Variants in ODF2 observed in about 807,000 individuals in gnomAD.
ODF2 encodes outer dense fiber of sperm tails 2.
Under a neutral mutation model 110.2 loss-of-function variants are expected in ODF2, and 47 were observed. The observed-to-expected ratio is 0.43, with a 90% CI of 0.34 to 0.54. The LOEUF (loss-of-function observed/expected upper bound fraction) is 0.54. ODF2 is among the 20% of genes least tolerant of loss of function. The probability of loss-of-function intolerance (pLI) is 0.03; values close to 1 mark genes in which losing one functional copy is unlikely to be tolerated. For synonymous variants in ODF2, 352 were observed against 397.7 expected, an observed-to-expected ratio of 0.89 and a Z score of 1.37; for missense variants, 812 against 1,054.5, an observed-to-expected ratio of 0.77 and a Z score of 3.19.
intron 18 of ODF2, chr9:128,497,447 ATATATATATATATATAT>A (rs1404742718): frequency 2.6e-4 from 10 of 37,868 alleles, no homozygotes; most frequent in Admixed American, 8.2e-4. Flanking sequence ...AAAAAAAAAA[ATATATATATATATATAT>A]ATATATATAT....
At position 128,494,243 on chromosome 9, in the gene ODF2, C is replaced by T. The variant is rs180794028; in HGVS notation, c.1753-267C>T. Among the ~76,000 whole-genome samples the T allele has an allele frequency of 2.8e-4, 43 of 152,320 alleles. No individual in the cohort carries two copies. The highest frequency in any genetic ancestry group is 6.5e-4 in the Admixed American group (10 of 15,298). On this transcript the variant is annotated intron_variant, in intron 16 of 20. Transcript: ENST00000604420. This position sits in a 1 kb window ranked among gnomAD's most constrained non-coding sequence, Gnocchi z 4.6. The stretch of plus-strand genomic sequence containing the variant: ...TGTCTGAATTAAATGAGCAAGTGTG[C>T]AGAGAGCCCCTGGTACAATGCCTGG...
intron 2 of ODF2, among the ~76,000 whole-genome samples, chr9:128,459,105 A>G (rs1456784856): frequency 1.3e-5 from 2 of 152,140 alleles, no homozygotes; most frequent in Middle Eastern, 3.2e-3. Context: ...TTGGCCTCCA[A>G]AAGTGCTGGG....
intron 5 of ODF2, 83 bp downstream of exon 5, chr9:128,469,436 G>A: frequency 6.9e-7 from 1 of 1,454,880 alleles, no homozygotes. Flanking sequence ...TGGTCCCTCA[G>A]CCTGCGTCTG....
exon 18 of ODF2, chr9:128,496,054 G>A: frequency 6.2e-7 from 1 of 1,613,840 alleles, no homozygotes; most frequent in Non-Finnish European, 8.5e-7. Flanking sequence ...GAACACCAGG[G>A]GGACAAGCTG....
chr9:128,456,314 T>C (rs1419746607), intron 1 of ODF2, 59 bp downstream of exon 1: 6 of 1,486,026 alleles, frequency 4.0e-6, no homozygotes, highest in Non-Finnish European at 5.3e-6. Context: ...GGCGAGACCG[T>C]CGCCTTCGCA....
At chr9:128,469,314 T>A in exon 5 of ODF2, 1 of 1,614,136 alleles carries the variant, frequency 6.2e-7, no homozygotes, top group Non-Finnish European at 8.5e-7. Flanking sequence ...ATAAGAAGAT[T>A]GATAGTCTAA....
chr9:128,491,762 C>T (rs903293733), intron 14 of ODF2, among the ~76,000 whole-genome samples: 1 of 152,040 alleles, frequency 6.6e-6, no homozygotes, highest in African/African-American at 2.4e-5. Flanking sequence ...AGTATAGTCT[C>T]ATTCTTTTTG....
chr9:128,476,539 C>T (rs1295640539), intron 8 of ODF2, among the ~76,000 whole-genome samples: 4 of 152,024 alleles, frequency 2.6e-5, no homozygotes, highest in Admixed American at 6.6e-5. Flanking sequence ...CCACCTGCCT[C>T]GGCCTCCCAA....
intron 14 of ODF2, among the ~76,000 whole-genome samples, 192 bp from the exon 15 acceptor site, chr9:128,492,233 AT>A (rs564434499): frequency 2.2e-3 from 337 of 151,498 alleles, no homozygotes; most frequent in South Asian, 3.8e-3. Flanking sequence ...GAAGTCATTT[AT>A]TTGCATCTCT....
chr9:128,456,689 C>G (rs1460587928), intron 1 of ODF2: 2 of 1,397,760 alleles, frequency 1.4e-6, no homozygotes, highest in Non-Finnish European at 1.9e-6. Flanking sequence ...ATGGCAGTCA[C>G]TTGTACGCCC....
exon 1 of ODF2, chr9:128,456,155 G>C (rs1197131479): frequency 6.5e-7 from 1 of 1,549,210 alleles, no homozygotes; most frequent in Non-Finnish European, 8.7e-7. Flanking sequence ...CGCTGCCAGA[G>C]CCAGACTGCA....
intron 18 of ODF2, among the ~76,000 whole-genome samples, chr9:128,496,725 T>A (rs1281720540): frequency 1.3e-5 from 2 of 152,074 alleles, no homozygotes; most frequent in Non-Finnish European, 2.9e-5. Context: ...TATCTATCTA[T>A]CTATCTATCT....
chr9:128,494,853 A>AAAGTGATTGT lies in ODF2; in HGVS notation c.1911+187_1911+196dup. 1 of 1,481,730 alleles carries AAAGTGATTGT rather than the reference A, an allele frequency of 6.7e-7. No individual in the cohort carries two copies. Among genetic ancestry groups the AAAGTGATTGT allele is most frequent in the South Asian group, 1.4e-5 (1 of 72,952 alleles). The allele number at this position is 1,481,730 out of a possible 1,614,324, so 91.8% of individuals were successfully genotyped here. On this transcript the variant is annotated intron_variant, in intron 17 of 20. Coordinates refer to ENST00000604420, the Ensembl canonical transcript of ODF2. This position sits in a 1 kb window ranked among gnomAD's most constrained non-coding sequence, Gnocchi z 4.6. Reference sequence around the variant, plus strand: ...TGTGCCAAATGCCATGTGTTTGCACAAAGTGATTGTAGTTATAGGAGCCGT... The same window carrying AAAGTGATTGT: ...TGTGCCAAATGCCATGTGTTTGCACAAAGTGATTGTAAGTGATTGTAGTTATAGGAGCCGT...
At position 128,494,967 on chromosome 9, in the gene ODF2, C is replaced by T. The variant is rs2132270661; in HGVS notation, c.1911+299C>T. 2 of 715,648 alleles carry T rather than the reference C, an allele frequency of 2.8e-6. No individual in the cohort carries two copies. Among genetic ancestry groups the T allele is most frequent in the Non-Finnish European group, 4.4e-6 (2 of 455,262 alleles). The allele number at this position is 715,648 out of a possible 1,614,324, so 44.3% of individuals were successfully genotyped here. On this transcript the variant is annotated intron_variant, in intron 17 of 20. Coordinates refer to ENST00000604420, the Ensembl canonical transcript of ODF2. The surrounding 1 kb of genome is among the most constrained non-coding windows in gnomAD (Gnocchi z 4.6). ...GTGTGCTCCGCAGCTGTCCTCAGCT[C>T]CACACCCACAGCTGGGAGATGCCAG...
At chr9:128,498,343 C>CA in intron 18 of ODF2, 70 bp from the exon 19 acceptor site, 2 of 1,434,422 alleles carry the variant, frequency 1.4e-6, no homozygotes, top group South Asian at 3.1e-5. Flanking sequence ...GAGAGGCTGG[C>CA]AGCCCCCTGG....
chr9:128,456,624 T>C (rs1022659018), intron 1 of ODF2: 4 of 1,505,438 alleles, frequency 2.7e-6, no homozygotes, highest in Non-Finnish European at 3.5e-6. Flanking sequence ...TCCCTCGCTC[T>C]GCTGCCCGTC....
At chr9:128,460,047 C>A in intron 3 of ODF2, 1 of 952,350 alleles carries the variant, frequency 1.1e-6, no homozygotes, top group Non-Finnish European at 1.5e-6. Flanking sequence ...CCTTCTCATC[C>A]TTAGGATTTC....
chr9:128,462,362 T>G (rs997060630), intron 4 of ODF2, among the ~76,000 whole-genome samples: 5 of 152,144 alleles, frequency 3.3e-5, no homozygotes, highest in African/African-American at 1.2e-4. Flanking sequence ...TTGGTCAGGC[T>G]GGTCTCGAAC....
chr9:128,482,265 C>T (rs1310411513), intron 9 of ODF2, among the ~76,000 whole-genome samples: 1 of 152,208 alleles, frequency 6.6e-6, no homozygotes, highest in African/African-American at 2.4e-5. Context: ...GGTCTGTGGC[C>T]TCTGATGCTT....
Sources: gnomAD v4.1 joint callset for allele counts (sites outside exome capture counted in the v4.1 genomes callset) on GRCh38, gnomAD v4.1.1 for gene constraint, Gnocchi (gnomAD v3.1) non-coding constraint, MANE v1.5 for transcripts, NCBI Gene and HGNC (gene_info 2026-07-23, HGNC 2026-07-21) for gene names.